NFU1: variants seen among roughly 807,000 people sequenced by gnomAD.
NFU1 encodes the protein NFU1 iron-sulfur cluster scaffold.
Under a neutral mutation model 32.2 loss-of-function variants are expected in NFU1, and 30 were observed. That is an observed-to-expected ratio of 0.93 (90% CI 0.70 to 1.26). NFU1 has a LOEUF of 1.26. NFU1 is among the 50% of genes most tolerant of loss of function. The probability of loss-of-function intolerance (pLI) is 0.00; values close to 1 mark genes in which losing one functional copy is unlikely to be tolerated. For missense variants in NFU1, 306 were observed against 306.6 expected (o/e 1.00, Z 0.02); for synonymous variants, 112 against 104.6 (o/e 1.07, Z -0.43).
intron 7 of NFU1, chr2:69,399,451 G>A: frequency 2.3e-6 from 1 of 435,268 alleles, no homozygotes; most frequent in Non-Finnish European, 4.6e-6. Context: ...ATTCTACTCA[G>A]TATAACAACA....
At chr2:69,435,344 ATTGT>A (rs1431942174) in intron 1 of NFU1, among the ~76,000 whole-genome samples, 3 of 152,206 alleles carry the variant, frequency 2.0e-5, no homozygotes, top group African/African-American at 7.2e-5. Context: ...AAAGGCCAAA[ATTGT>A]TTGTGATCAT....
intron 6 of NFU1, among the ~76,000 whole-genome samples, chr2:69,402,259 G>C (rs979381181): frequency 2.6e-5 from 4 of 152,054 alleles, no homozygotes; most frequent in Admixed American, 6.6e-5. Context: ...TTACCAATTT[G>C]TACAAGTTAT....
intron 3 of NFU1, among the ~76,000 whole-genome samples, chr2:69,420,510 G>C (rs1015231720): frequency 6.6e-6 from 1 of 152,148 alleles, no homozygotes; most frequent in Non-Finnish European, 1.5e-5. Context: ...CCTGTTATCA[G>C]TTTCGTGTGT....
chr2:69,427,346 T>C (rs1673494600), intron 2 of NFU1, among the ~76,000 whole-genome samples: 1 of 146,140 alleles, frequency 6.8e-6, no homozygotes, highest in African/African-American at 2.6e-5. Flanking sequence ...GATCGCACCA[T>C]TGCACTCCAG....
intron 5 of NFU1, among the ~76,000 whole-genome samples, chr2:69,408,608 T>C (rs892686781): frequency 5.3e-5 from 8 of 151,604 alleles, no homozygotes; most frequent in Non-Finnish European, 1.0e-4. Flanking sequence ...TAATCCCAGC[T>C]ACTCCAGAGG....
chr2:69,396,810 C>T (rs144527120), intron 7 of NFU1, among the ~76,000 whole-genome samples: 2,748 of 152,240 alleles, frequency 0.018, 45 homozygotes, highest in Middle Eastern at 0.031. Flanking sequence ...CGGTGGCTCA[C>T]GCCTGTAATC....
At chr2:69,423,377 T>A (rs1673331140) in intron 3 of NFU1, among the ~76,000 whole-genome samples, 1 of 151,218 alleles carries the variant, frequency 6.6e-6, no homozygotes, top group Admixed American at 6.6e-5. Flanking sequence ...ACTTCAGCCT[T>A]CCAAAGTGTT....
chr2:69,430,150 G>A (rs1010759361), intron 2 of NFU1: 1 of 176,426 alleles, frequency 5.7e-6, no homozygotes, highest in African/African-American at 2.4e-5. Flanking sequence ...CATCCAGAAA[G>A]ATGCTCATGA....
chr2:69,401,463 T>A (rs1321828834), intron 6 of NFU1, among the ~76,000 whole-genome samples: 1 of 152,244 alleles, frequency 6.6e-6, no homozygotes, highest in Non-Finnish European at 1.5e-5. Context: ...CACTGCTGCA[T>A]AGTATTCCAT....
chr2:69,438,988 CTTCCACCTTGGA>C (rs905032064), upstream of NFU1, among the ~76,000 whole-genome samples: 68 of 151,052 alleles, frequency 4.5e-4, no homozygotes, highest in Non-Finnish European at 8.4e-4. Flanking sequence ...AAATGTGGCT[CTTCCACCTTGGA>C]ACAATCGTTC....
At chr2:69,433,328 G>A (rs1488933190) in intron 1 of NFU1, among the ~76,000 whole-genome samples, 1 of 150,596 alleles carries the variant, frequency 6.6e-6, no homozygotes, top group South Asian at 2.1e-4. Flanking sequence ...ACAGGTGCCC[G>A]CCACCATGCC....
At chr2:69,403,043 CTCTT>C (rs1236401338) in intron 6 of NFU1, among the ~76,000 whole-genome samples, 7 of 145,296 alleles carry the variant, frequency 4.8e-5, no homozygotes, top group African/African-American at 1.8e-4. Context: ...CTCTTTCTTT[CTCTT>C]TCTCTCTTTC....
chr2:69,436,773 C>T (rs913815529), intron 1 of NFU1, among the ~76,000 whole-genome samples: 1 of 150,606 alleles, frequency 6.6e-6, no homozygotes, highest in Non-Finnish European at 1.5e-5. Flanking sequence ...AAAGGTGAAA[C>T]TCAAAGGTAG....
chr2:69,402,917 A>G (rs1413351052), intron 6 of NFU1, among the ~76,000 whole-genome samples: 1 of 151,822 alleles, frequency 6.6e-6, no homozygotes, highest in Non-Finnish European at 1.5e-5. Context: ...TGGGGAAAAA[A>G]AAAAAAATTG....
chr2:69,418,115 G>C (rs1161815304), intron 4 of NFU1, among the ~76,000 whole-genome samples: 1 of 151,898 alleles, frequency 6.6e-6, no homozygotes, highest in Non-Finnish European at 1.5e-5. Context: ...CTGAAGAATG[G>C]GGGGCTGGAC....
chr2:69,437,331 C>T (rs376342834), intron 1 of NFU1, 30 bp downstream of exon 1: 17 of 1,597,472 alleles, frequency 1.1e-5, no homozygotes, highest in East Asian at 9.0e-5. Flanking sequence ...CAGCGGCACA[C>T]CTATTCGGAG....
At chr2:69,416,033 AGGAG>A (rs1417381858) in intron 4 of NFU1, 3 of 151,948 alleles carry the variant, frequency 2.0e-5, no homozygotes, top group African/African-American at 7.2e-5. Flanking sequence ...AAAAAAGGAA[AGGAG>A]GAAGGAAGGC....
At chr2:69,423,260 GTGTGTGTGT>G (rs1673323433) in intron 3 of NFU1, among the ~76,000 whole-genome samples, 1 of 54,176 alleles carries the variant, frequency 1.8e-5, no homozygotes, top group African/African-American at 8.8e-5. Context: ...GTGTGTGTGT[GTGTGTGTGT>G]GTGTGTGTGT....
chr2:69,416,489 G>A (rs989234906), intron 4 of NFU1, among the ~76,000 whole-genome samples: 1 of 150,718 alleles, frequency 6.6e-6, no homozygotes, highest in African/African-American at 2.5e-5. Context: ...TAAAGAAGAT[G>A]ATAAAGAGAT....
Sources: gnomAD v4.1 joint callset for allele counts (sites outside exome capture counted in the v4.1 genomes callset) on GRCh38, gnomAD v4.1.1 for gene constraint, MANE v1.5 for transcripts, NCBI Gene and HGNC (gene_info 2026-07-23, HGNC 2026-07-21) for gene names.